Variants in CNTNAP5 observed in about 807,000 individuals in gnomAD.
CNTNAP5 encodes the protein contactin-associated protein-like 5.
In CNTNAP5, 72 loss-of-function variants were observed where a neutral mutation model predicts 150.2. That is an observed-to-expected ratio of 0.48 (90% CI 0.40 to 0.58). The LOEUF (loss-of-function observed/expected upper bound fraction) is 0.58. Among genes scored for constraint, CNTNAP5 ranks in the 20% least tolerant of loss-of-function variants. The probability of loss-of-function intolerance (pLI) is 0.00; values close to 1 mark genes in which losing one functional copy is unlikely to be tolerated. For synonymous variants in CNTNAP5, 672 were observed against 619.8 expected, an observed-to-expected ratio of 1.08 and a Z score of -1.25; for missense variants, 1,636 against 1,626.2, an observed-to-expected ratio of 1.01 and a Z score of -0.10.
intron 19 of CNTNAP5, among the ~76,000 whole-genome samples, chr2:124,851,095 T>C (rs1683143633): frequency 6.6e-6 from 1 of 152,156 alleles, no homozygotes; most frequent in Non-Finnish European, 1.5e-5. Flanking sequence ...CCGGGCGCAA[T>C]GGCTCATGCC....
intron 1 of CNTNAP5, among the ~76,000 whole-genome samples, chr2:124,094,860 A>AG (rs1682898374): frequency 6.6e-6 from 1 of 152,132 alleles, no homozygotes; most frequent in Non-Finnish European, 1.5e-5. Flanking sequence ...CTGCTTTGCC[A>AG]GGGGTCAGTG....
At chr2:124,908,776 T>G (rs1236327830) in intron 22 of CNTNAP5, among the ~76,000 whole-genome samples, 1 of 152,152 alleles carries the variant, frequency 6.6e-6, no homozygotes, top group Non-Finnish European at 1.5e-5. Context: ...GATATTAACA[T>G]CATGAATCCA....
chr2:124,450,991 G>A (rs1692955793), intron 6 of CNTNAP5, among the ~76,000 whole-genome samples: 1 of 125,612 alleles, frequency 8.0e-6, no homozygotes, highest in African/African-American at 3.1e-5. Context: ...TAGCACCACT[G>A]CACTCCAGCC....
chr2:124,384,918 G>T (rs1690890451), intron 3 of CNTNAP5, among the ~76,000 whole-genome samples: 1 of 152,168 alleles, frequency 6.6e-6, no homozygotes. Context: ...ACAAGTGAGA[G>T]TGCAGACAGG....
intron 13 of CNTNAP5, among the ~76,000 whole-genome samples, chr2:124,665,700 CACGG>C (rs1678684728): frequency 6.6e-6 from 1 of 152,054 alleles, no homozygotes; most frequent in Non-Finnish European, 1.5e-5. Context: ...TCCTGGCTAA[CACGG>C]TGAAACCCCG....
At chr2:124,665,465 G>T (rs1204236704) in intron 13 of CNTNAP5, among the ~76,000 whole-genome samples, 1 of 152,144 alleles carries the variant, frequency 6.6e-6, no homozygotes, top group East Asian at 1.9e-4. Context: ...GCAAATATTT[G>T]GAAAGCATTA....
intron 13 of CNTNAP5, among the ~76,000 whole-genome samples, chr2:124,660,188 C>T (rs116397361): frequency 6.6e-6 from 1 of 152,200 alleles, no homozygotes; most frequent in Non-Finnish European, 1.5e-5. Context: ...GACATTTGAA[C>T]TGGAGAAGGT....
At chr2:124,618,705 G>A (rs537236885) in intron 12 of CNTNAP5, among the ~76,000 whole-genome samples, 2 of 152,286 alleles carry the variant, frequency 1.3e-5, no homozygotes, top group East Asian at 3.9e-4. Flanking sequence ...TGCAGAAAGT[G>A]GAACTGGTGG....
intron 19 of CNTNAP5, among the ~76,000 whole-genome samples, chr2:124,816,175 A>C (rs1173666983): frequency 6.6e-6 from 1 of 152,206 alleles, no homozygotes; most frequent in Admixed American, 6.5e-5. Context: ...GTGCTGGATT[A>C]GAAGAGCAAA....
intron 3 of CNTNAP5, among the ~76,000 whole-genome samples, chr2:124,253,734 T>A (rs960661304): frequency 1.3e-5 from 2 of 152,178 alleles, no homozygotes; most frequent in African/African-American, 4.8e-5. Flanking sequence ...GACTGGATAC[T>A]AATCAGGATA....
At chr2:124,755,919 T>C (rs1352182033) in intron 14 of CNTNAP5, among the ~76,000 whole-genome samples, 1 of 152,198 alleles carries the variant, frequency 6.6e-6, no homozygotes, top group Non-Finnish European at 1.5e-5. Flanking sequence ...TTGTCACTTA[T>C]TAACTAGAAA....
At chr2:124,203,021 C>G (rs1289958741) in intron 1 of CNTNAP5, among the ~76,000 whole-genome samples, 1 of 152,142 alleles carries the variant, frequency 6.6e-6, no homozygotes, top group East Asian at 1.9e-4. Context: ...CAAAAGTCCA[C>G]AGTCCAAAGT....
chr2:124,419,777 G>A (rs986748754), intron 4 of CNTNAP5, among the ~76,000 whole-genome samples: 3 of 151,932 alleles, frequency 2.0e-5, no homozygotes, highest in African/African-American at 7.3e-5. Flanking sequence ...TTATTTGGGG[G>A]AAATAATTTA....
intron 3 of CNTNAP5, among the ~76,000 whole-genome samples, chr2:124,263,518 G>A (rs1465812157): frequency 1.3e-5 from 2 of 151,550 alleles, no homozygotes; most frequent in Non-Finnish European, 3.0e-5. Flanking sequence ...TTGTAAATTT[G>A]TTTGAGTTCT....
At chr2:124,857,288 C>T (rs753991926) in intron 19 of CNTNAP5, among the ~76,000 whole-genome samples, 3 of 152,076 alleles carry the variant, frequency 2.0e-5, no homozygotes, top group Non-Finnish European at 2.9e-5. Flanking sequence ...AACTACTGGA[C>T]TCGGCATATA....
At chr2:124,717,738 A>G (rs1334721320) in intron 13 of CNTNAP5, among the ~76,000 whole-genome samples, 2 of 152,188 alleles carry the variant, frequency 1.3e-5, no homozygotes, top group African/African-American at 4.8e-5. Flanking sequence ...ATTGGCCTGA[A>G]CGATGTTTGA....
At chr2:124,774,930 A>G (rs1681287597) in intron 17 of CNTNAP5, among the ~76,000 whole-genome samples, 1 of 152,200 alleles carries the variant, frequency 6.6e-6, no homozygotes, top group Admixed American at 6.5e-5. Flanking sequence ...GGTTAAATTG[A>G]TCACAAATGC....
At chr2:124,751,383 G>A (rs941969637) in intron 14 of CNTNAP5, among the ~76,000 whole-genome samples, 1 of 152,158 alleles carries the variant, frequency 6.6e-6, no homozygotes, top group East Asian at 1.9e-4. Context: ...AGGTTATGAA[G>A]CTCCTTGTAT....
rs762380196 is a variant in CNTNAP5, at chr2:124,504,535, C to G, written c.1306C>G (p.Arg436Gly). The change falls in exon 8 of 24, where the codon CGC becomes GGC. Residue 436 changes from arginine to glycine, a missense_variant. By Grantham distance (125) the Arg-to-Gly change is moderately radical. Transcript: ENST00000682447. ...ACTCGTGATTCAGAAAATGACAGAA[C>G]GCGTAGCTGAAATCCTCACAGGTAC... ...LRLVIQKMTERVAEILTGSNL... is the reference protein window; with the variant it reads ...LRLVIQKMTEGVAEILTGSNL... The G allele has an allele frequency of 3.7e-6, 6 of 1,613,542 alleles. No homozygotes were observed. The East Asian group carries it at 1.1e-4, about 30-fold the overall frequency.
Sources: allele counts gnomAD v4.1 joint callset (sites outside exome capture counted in the v4.1 genomes callset), GRCh38; gene constraint gnomAD v4.1.1; transcripts MANE v1.5; gene names NCBI Gene and HGNC (gene_info 2026-07-23, HGNC 2026-07-21).